RYK: variants seen among roughly 807,000 people sequenced by gnomAD.
RYK encodes the protein receptor like tyrosine kinase.
RYK carries 21 observed loss-of-function variants against 70.2 expected under a neutral mutation model. The ratio of observed to expected loss-of-function variants is 0.30; its 90% CI spans 0.21 to 0.43. The LOEUF is 0.43. RYK is among the 20% of genes least tolerant of loss of function. RYK has a pLI of 1.00. For missense variants in RYK, 604 were observed against 753.3 expected, an observed-to-expected ratio of 0.80 and a Z score of 2.32; for synonymous variants, 267 against 278.0, an observed-to-expected ratio of 0.96 and a Z score of 0.39.
intron 1 of RYK, among the ~76,000 whole-genome samples, chr3:134,237,167 G>C (rs1009301836): frequency 2.6e-5 from 4 of 152,136 alleles, no homozygotes; most frequent in African/African-American, 9.7e-5. Context: ...TGATCCACAT[G>C]AACTGGCCTA....
intron 5 of RYK, among the ~76,000 whole-genome samples, chr3:134,203,362 T>C (rs2014091640): frequency 6.6e-6 from 1 of 151,860 alleles, no homozygotes; most frequent in Non-Finnish European, 1.5e-5. Flanking sequence ...ACCAAAAGAG[T>C]TGGTTCTAAA....
intron 7 of RYK, among the ~76,000 whole-genome samples, chr3:134,192,415 T>C (rs1468531990): frequency 2.0e-5 from 3 of 151,030 alleles, no homozygotes; most frequent in Non-Finnish European, 2.9e-5. Context: ...ATCTCTTCAT[T>C]TGAAAAGTTG....
At chr3:134,218,669 G>A (rs983626782) in intron 2 of RYK, among the ~76,000 whole-genome samples, 5 of 152,162 alleles carry the variant, frequency 3.3e-5, no homozygotes, top group African/African-American at 1.2e-4. Flanking sequence ...AAGAAAGGCC[G>A]AGACCAGATC....
At chr3:134,250,283 G>T (rs1040643491) in intron 1 of RYK, 140 bp downstream of exon 1, 3 of 379,222 alleles carry the variant, frequency 7.9e-6, no homozygotes, top group Non-Finnish European at 1.4e-5. Context: ...GGCAGAGACC[G>T]GGCCGCGAGG....
intron 9 of RYK, among the ~76,000 whole-genome samples, chr3:134,187,778 T>G (rs1021727042): frequency 1.3e-4 from 20 of 151,378 alleles, no homozygotes; most frequent in Non-Finnish European, 1.6e-4. Flanking sequence ...CAGGCCGATC[T>G]TGAACTTATG....
Position 134,250,795 on chromosome 3 carries a change from G to C in RYK, c.-141C>G, listed in dbSNP as rs1346195694. On this transcript the variant is annotated 5_prime_UTR_variant, in exon 1 of 15. Coordinates refer to ENST00000623711, the MANE Select transcript of RYK (RefSeq NM_002958.4). The stretch of plus-strand genomic sequence containing the variant: ...CGCCGGCCCGTGGCAGCCAGCAGTG[G>C]CTTCAGACCTCCGGAGCGCGCCGCC... 4.8e-6 allele frequency: 1 copy of C among 209,730 alleles called. No individual in the cohort carries two copies. The highest frequency in any genetic ancestry group is 7.9e-6 in the Non-Finnish European group (1 of 126,566). The allele number at this position is 209,730 out of a possible 1,614,324, so 13.0% of individuals were successfully genotyped here.
At chr3:134,175,561 G>A (rs542260523) in intron 13 of RYK, 48 bp downstream of exon 13, 1 of 1,561,550 alleles carries the variant, frequency 6.4e-7, no homozygotes, top group Non-Finnish European at 8.7e-7. Context: ...TTTAAAAACA[G>A]AAAGCTGTTT....
At chr3:134,179,294 A>T (rs574003927) in intron 10 of RYK, 66 of 152,342 alleles carry the variant, frequency 4.3e-4, no homozygotes, top group African/African-American at 1.6e-3. Context: ...TTGAGCATGT[A>T]TCACTTTTTA....
At chr3:134,211,406 A>C in intron 3 of RYK, 102 bp downstream of exon 3, 1 of 666,856 alleles carries the variant, frequency 1.5e-6, no homozygotes, top group Admixed American at 3.0e-5. Flanking sequence ...TCTTATGCCT[A>C]TCAAGTAATA....
chr3:134,230,406 T>C lies in RYK; in HGVS notation c.233-7867A>G, dbSNP rs377144132. ...ATGTTCACAGCCCTTTTATCCACAA[T>C]AGCCAAAACTGGAAACAACACAAAT... On this transcript the variant is annotated intron_variant, in intron 1 of 14. Coordinates refer to ENST00000623711, the MANE Select transcript of RYK (RefSeq NM_002958.4). Among the ~76,000 whole-genome samples, 7 of 152,220 alleles carry C rather than the reference T, an allele frequency of 4.6e-5. No individual in the cohort carries two copies. In the South Asian group the frequency reaches 1.2e-3, roughly 27 times the overall value.
intron 5 of RYK, among the ~76,000 whole-genome samples, chr3:134,206,908 T>C (rs895477962): frequency 1.3e-5 from 2 of 151,900 alleles, no homozygotes; most frequent in Non-Finnish European, 2.9e-5. Flanking sequence ...ATGAAGAGAA[T>C]CTAGTATCCT....
intron 5 of RYK, among the ~76,000 whole-genome samples, chr3:134,204,359 T>C (rs535754327): frequency 6.6e-6 from 1 of 151,418 alleles, no homozygotes; most frequent in Non-Finnish European, 1.5e-5. Context: ...ATTAGCCGTG[T>C]ATGGTGGTGC....
In RYK at chr3:134,202,865, A is replaced by G. The variant is rs1261036635; in HGVS notation, c.653T>C (p.Val218Ala). 5 of 1,611,836 alleles carry G rather than the reference A, an allele frequency of 3.1e-6. No homozygotes were observed. In the Admixed American group the frequency reaches 8.4e-5, roughly 27 times the overall value. The change falls in exon 6 of 15, where the codon GTA (valine) becomes GCA (alanine). Residue 218 changes from valine to alanine, a missense_variant. Around this residue, in one of 2 missense-constraint regions of RYK, gnomAD observed 466 missense variants for 535.9 expected, o/e 0.87. Coordinates refer to ENST00000623711, the MANE Select transcript of RYK (RefSeq NM_002958.4). ...CGTAGAAGTGGTTGGAGCTGCATGTACAGGATCATCTGAAATAAAAACAAA... is the reference window on the plus strand; with the variant it reads ...CGTAGAAGTGGTTGGAGCTGCATGTGCAGGATCATCTGAAATAAAAACAAA... ...KNTSRTIYDPVHAAPTTSTRV... is the reference protein window; with the variant it reads ...KNTSRTIYDPAHAAPTTSTRV...
chr3:134,196,580 AAAAC>A (rs1304653547), intron 6 of RYK, among the ~76,000 whole-genome samples: 2,280 of 127,220 alleles, frequency 0.018, 42 homozygotes, highest in African/African-American at 0.058. Flanking sequence ...TCTCTGAAAC[AAAAC>A]ACACACACAC....
At chr3:134,249,431 A>G (rs751028043) in intron 1 of RYK, among the ~76,000 whole-genome samples, 2 of 152,164 alleles carry the variant, frequency 1.3e-5, no homozygotes, top group Non-Finnish European at 2.9e-5. Flanking sequence ...TTTTCCCCTC[A>G]AACACTCAGA....
At chr3:134,195,312 T>C (rs1324214813) in intron 6 of RYK, 130 bp from the exon 7 acceptor site, 1 of 653,868 alleles carries the variant, frequency 1.5e-6, no homozygotes, top group Non-Finnish European at 2.7e-6. Flanking sequence ...CAATAATTCA[T>C]GATGTTCCAA....
chr3:134,246,301 AATACACACACACACAC>A (rs1470989998), intron 1 of RYK, among the ~76,000 whole-genome samples: 15 of 103,666 alleles, frequency 1.4e-4, no homozygotes, highest in South Asian at 4.2e-4. Flanking sequence ...CTCAGAAAGA[AATACACACACACACAC>A]ACACACACAC....
intron 14 of RYK, among the ~76,000 whole-genome samples, 172 bp downstream of exon 14, chr3:134,159,065 G>C (rs1205289658): frequency 6.6e-6 from 1 of 152,166 alleles, no homozygotes; most frequent in African/African-American, 2.4e-5. Context: ...GCATGAAAGA[G>C]TGAACGAATC....
At position 134,207,541 on chromosome 3, in the gene RYK, A is replaced by C. The variant is rs780425745; in HGVS notation, c.590-16T>G. The C allele has an allele frequency of 2.0e-6, 3 of 1,500,892 alleles. No homozygotes were observed. The East Asian group carries it at 7.4e-5, about 37-fold the overall frequency. 93.0% of individuals were successfully genotyped at this position (1,500,892 alleles called of 1,614,324 possible). A position where few individuals can be genotyped will look rare whatever the true frequency, so the allele number is the denominator to read the frequency against. On this transcript the variant is annotated splice_polypyrimidine_tract_variant and intron_variant, in intron 4 of 14. Coordinates refer to ENST00000623711, the MANE Select transcript of RYK (RefSeq NM_002958.4). ...TCTTCAAGTTCTGAATTTAAAGGAGAAAAATGATGCTTTAGAAATTCTCTT... is the reference window on the plus strand; with the variant it reads ...TCTTCAAGTTCTGAATTTAAAGGAGCAAAATGATGCTTTAGAAATTCTCTT...
Sources: allele counts gnomAD v4.1 joint callset (sites outside exome capture counted in the v4.1 genomes callset), GRCh38; gene constraint gnomAD v4.1.1; regional missense constraint gnomAD v4.1.1; transcripts MANE v1.5; gene names NCBI Gene and HGNC (gene_info 2026-07-23, HGNC 2026-07-21).